GOLGA3: variants seen among roughly 807,000 people sequenced by gnomAD.
GOLGA3 encodes golgin subfamily A member 3.
A neutral mutation model predicts 169.4 loss-of-function variants in GOLGA3; 75 were observed. That is an observed-to-expected ratio of 0.44 (90% CI 0.37 to 0.54). The LOEUF is 0.54. GOLGA3 is among the 20% of genes least tolerant of loss of function. The pLI is 0.00. For missense variants in GOLGA3, 1,899 were observed against 1,930.0 expected, an observed-to-expected ratio of 0.98 and a Z score of 0.30; for synonymous variants, 824 against 822.4, an observed-to-expected ratio of 1.00 and a Z score of -0.03.
At chr12:132,801,600 G>T (rs1459528015) in intron 8 of GOLGA3, among the ~76,000 whole-genome samples, 167 bp downstream of exon 8, 1 of 152,184 alleles carries the variant, frequency 6.6e-6, no homozygotes, top group African/African-American at 2.4e-5. Flanking sequence ...CACGGGACAC[G>T]TCCTGCATAC....
rs1459750507 is a variant in GOLGA3 at position 132,822,177 on chromosome 12, C to T, written c.-49G>A. 1 of 1,560,486 alleles carries T rather than the reference C, an allele frequency of 6.4e-7. No homozygotes were observed. The highest frequency in any genetic ancestry group is 2.0e-5 in the Admixed American group (1 of 49,474). ...TGACGCTGAGGGGCTACAAGTGAAC[C>T]TTGGACAAGCTTGGCTTCTGCCATC... On this transcript the variant is annotated 5_prime_UTR_variant, in exon 2 of 24. Transcript: ENST00000450791.
At position 132,774,284 on chromosome 12, in the gene GOLGA3, G is replaced by C. The variant is rs1209992621; in HGVS notation, c.4180C>G (p.Pro1394Ala). The change falls in exon 23 of 24, where the codon CCT becomes GCT. Residue 1394 changes from proline (P) to alanine (A), a missense_variant. Pro to Ala is a conservative substitution (Grantham distance 27). Coordinates refer to ENST00000450791, the MANE Select transcript of GOLGA3 (RefSeq NM_001389683.1). ...TCCGGGATCTTGATGGGCGTGGCAG[G>C]GTTGGAAGAGCTGGCCTCGCCTTTC... Reference protein sequence around the residue: ...EPKGEASSSNPATPIKIPDCP... With the variant: ...EPKGEASSSNAATPIKIPDCP... The C allele has an allele frequency of 1.2e-6, 2 of 1,612,636 alleles. No individual in the cohort carries two copies. The highest frequency in any genetic ancestry group is 3.3e-5 in the Admixed American group (2 of 60,000).
chr12:132,788,953 A>ACAGGCCCCGCCCCAGAAC, intron 13 of GOLGA3, 74 bp downstream of exon 13: 2 of 1,014,770 alleles, frequency 2.0e-6, no homozygotes, highest in Non-Finnish European at 2.6e-6. Context: ...CGCCCCAGAC[A>ACAGGCCCCGCCCCAGAAC]CAGGCCCCAC....
At position 132,773,192 on chromosome 12, in the gene GOLGA3, A is replaced by G. The variant is rs1255019740; in HGVS notation, c.4410T>C (p.Pro1470=). The change falls in exon 24 of 24, where the codon CCT becomes CCC. Residue 1470 remains proline (P), a synonymous_variant. Transcript: ENST00000450791. ...WTPLEPATAS[P]VPPGGHAGPR... ...GGCCGGCGTGACCCCCCGGGGGCAC[A>G]GGGCTGGCAGTGGCTGGCTCCAGCG... 2 of 1,584,924 alleles carry G rather than the reference A, an allele frequency of 1.3e-6. No homozygotes were observed. Among genetic ancestry groups the G allele is most frequent in the Admixed American group, 3.5e-5 (2 of 56,464 alleles).
chr12:132,804,080 T>TAGA lies in GOLGA3; in HGVS notation c.1597+635_1597+636insTCT, dbSNP rs1409124809. On this transcript the variant is annotated intron_variant, in intron 7 of 23. Transcript: ENST00000450791. The surrounding 1 kb of genome is among the most constrained non-coding windows in gnomAD (Gnocchi z 4.1). The stretch of plus-strand genomic sequence containing the variant: ...GTGGAAGGCGTGCTGCCAAGCCACA[T>TAGA]GGAAGCCCGCCGCGGCTTCCGCAAT... Among the ~76,000 whole-genome samples, 1 of 152,190 alleles carries TAGA rather than the reference T, an allele frequency of 6.6e-6. No homozygotes were observed. The highest frequency in any genetic ancestry group is 1.5e-5 in the Non-Finnish European group (1 of 68,028).
chr12:132,782,264 G>A (rs369109726), intron 17 of GOLGA3, 32 bp downstream of exon 17: 115 of 1,550,764 alleles, frequency 7.4e-5, no homozygotes, highest in Middle Eastern at 2.0e-4. Flanking sequence ...CTCTCACACC[G>A]TTGCTGGCGT....
rs997950258 is a variant in GOLGA3, at chr12:132,775,397, CAT to C, written c.3979-94_3979-93del. On this transcript the variant is annotated intron_variant, in intron 21 of 23. Transcript: ENST00000450791. ...TGTATTTTCATAGGTTAAGCACACA[CAT>C]GTCCTCCTCGGCGCCATCTAGATGA... 80 of 1,112,550 alleles carry C rather than the reference CAT, an allele frequency of 7.2e-5. No homozygotes were observed. In the Middle Eastern group the frequency reaches 1.3e-3, roughly 17 times the overall value. 68.9% of individuals were successfully genotyped at this position (1,112,550 alleles called of 1,614,324 possible).
At position 132,769,328 on chromosome 12, in the gene GOLGA3, T is replaced by C. The variant is rs1305737393; in HGVS notation, c.*3777A>G. On this transcript the variant is annotated 3_prime_UTR_variant, in exon 24 of 24. Coordinates refer to ENST00000450791, the MANE Select transcript of GOLGA3 (RefSeq NM_001389683.1). ...TCCCTCCCCTCCTAGAATCTTCACG[T>C]ACAACATTCTGTTTTTGTTTTTAAA... is the stretch of plus-strand genomic sequence containing the variant. The C allele has an allele frequency of 2.6e-5, 4 of 152,250 alleles. No homozygotes were observed. The East Asian group carries it at 7.7e-4, about 29-fold the overall frequency. The allele number at this position is 152,250 out of a possible 1,614,324, so 9.4% of individuals were successfully genotyped here. A position where few individuals can be genotyped will look rare whatever the true frequency, so the allele number is the denominator to read the frequency against.
At chr12:132,811,576 T>TCA (rs1949709048) in intron 4 of GOLGA3, among the ~76,000 whole-genome samples, 1 of 152,004 alleles carries the variant, frequency 6.6e-6, no homozygotes, top group South Asian at 2.1e-4. Context: ...TTCTCCTGTC[T>TCA]CAGCCTCCTG....
At chr12:132,815,883 A>G (rs1176763756) in intron 3 of GOLGA3, among the ~76,000 whole-genome samples, 1 of 152,086 alleles carries the variant, frequency 6.6e-6, no homozygotes, top group Non-Finnish European at 1.5e-5. Flanking sequence ...TGGGCGACAG[A>G]GCAAGATCCT....
At chr12:132,798,306 T>C in intron 9 of GOLGA3, 34 bp downstream of exon 9, 1 of 1,583,044 alleles carries the variant, frequency 6.3e-7, no homozygotes, top group Non-Finnish European at 8.6e-7. Context: ...GCGTCTGTTC[T>C]CCTAAGCTTC....
chr12:132,786,439 C>T lies in GOLGA3; in HGVS notation c.3023G>A (p.Arg1008His), dbSNP rs566453660. 8.7e-6 allele frequency: 14 copies of T among 1,613,360 alleles called. No individual in the cohort carries two copies. Among genetic ancestry groups the T allele is most frequent in the African/African-American group, 4.0e-5 (3 of 75,000 alleles). Residue 1008 changes from arginine (R) to histidine (H), a missense_variant, in exon 15 of 24, where the codon CGC becomes CAC. By Grantham distance (29) the Arg-to-His change is conservative. Coordinates refer to ENST00000450791, the MANE Select transcript of GOLGA3 (RefSeq NM_001389683.1). ...GGCCGCGAGGGCCTCCTGCAGGCGG[C>T]GGCTGAGGATGCCCACGGCGTTCTC... ...AYENAVGILS[R>H]RLQEALAAKE...
At position 132,801,884 on chromosome 12, in the gene GOLGA3, C is replaced by T; in HGVS notation, c.1683G>A (p.Leu561=). Residue 561 remains leucine, a synonymous_variant, in exon 8 of 24, where the codon CTG becomes CTA. Transcript: ENST00000450791. The stretch of plus-strand genomic sequence containing the variant: ...ACGAGATCTCCGCCTGCGACGCCTT[C>T]AGCTTGCTGGTCAGCGTCGTCCGCT... ...QLERTTLTSK[L]KASQAEISSL... is the part of the protein sequence containing the mutation. 1 of 1,604,370 alleles carries T rather than the reference C, an allele frequency of 6.2e-7. No individual in the cohort carries two copies. The highest frequency in any genetic ancestry group is 8.5e-7 in the Non-Finnish European group (1 of 1,179,932).
chr12:132,822,085 C>T lies in GOLGA3; in HGVS notation c.44G>A (p.Arg15Lys). 1 of 1,607,402 alleles carries T rather than the reference C, an allele frequency of 6.2e-7. No homozygotes were observed. Among genetic ancestry groups the T allele is most frequent in the Non-Finnish European group, 8.5e-7 (1 of 1,177,694 alleles). Reference protein sequence around the residue: ...SAEQDGLQEDRSHSGPSSLPE... With the variant: ...SAEQDGLQEDKSHSGPSSLPE... ...GAGAGACGAGGGGCCACTGTGGGAT[C>T]TGTCCTCCTGGAGGCCATCTTGCTC... is the stretch of plus-strand genomic sequence containing the variant. Residue 15 changes from arginine (R) to lysine (K), a missense_variant, in exon 2 of 24, where the codon AGA (arginine) becomes AAA (lysine). Physicochemically the swap from Arg to Lys is conservative, Grantham distance 26 (BLOSUM62 2). Coordinates refer to ENST00000450791, the MANE Select transcript of GOLGA3 (RefSeq NM_001389683.1).
intron 22 of GOLGA3, chr12:132,774,575 G>C (rs2045112570): frequency 1.8e-6 from 1 of 553,762 alleles, no homozygotes; most frequent in African/African-American, 1.9e-5. Flanking sequence ...GTCTGCGGCA[G>C]GACGGGGCCG....
intron 11 of GOLGA3, among the ~76,000 whole-genome samples, chr12:132,794,718 A>G (rs1257958805): frequency 6.6e-6 from 1 of 152,222 alleles, no homozygotes; most frequent in East Asian, 1.9e-4. Context: ...AAATTCATCC[A>G]CAGAATTGGG....
intron 7 of GOLGA3, among the ~76,000 whole-genome samples, chr12:132,803,091 C>CA (rs201306486): frequency 0.023 from 1,430 of 63,250 alleles, 15 homozygotes; most frequent in South Asian, 0.099. Flanking sequence ...AACAAAACAA[C>CA]AAAAAAAAAC....
intron 6 of GOLGA3, among the ~76,000 whole-genome samples, chr12:132,806,294 CGA>C (rs754576645): frequency 6.6e-6 from 1 of 152,176 alleles, no homozygotes; most frequent in Non-Finnish European, 1.5e-5. Flanking sequence ...AGCCACCGTT[CGA>C]GAGAGTGGCT....
In GOLGA3 at chr12:132,771,723, C is replaced by A. The variant is rs1368787017; in HGVS notation, c.*1382G>T. ...TCCTACACACGAGTACAGGCGCTCC[C>A]ACAGACAATGGTAAAGATTTTCACT... On this transcript the variant is annotated 3_prime_UTR_variant, in exon 24 of 24. Coordinates refer to ENST00000450791, the MANE Select transcript of GOLGA3 (RefSeq NM_001389683.1). 6.6e-6 allele frequency: 1 copy of A among 152,210 alleles called. No homozygotes were observed. 9.4% of individuals were successfully genotyped at this position (152,210 alleles called of 1,614,324 possible).
Sources: gnomAD v4.1 joint callset for allele counts (sites outside exome capture counted in the v4.1 genomes callset) on GRCh38, gnomAD v4.1.1 for gene constraint, Gnocchi (gnomAD v3.1) non-coding constraint, MANE v1.5 for transcripts, NCBI Gene and HGNC (gene_info 2026-07-23, HGNC 2026-07-21) for gene names.